CPNE8: variants seen among roughly 807,000 people sequenced by gnomAD.
CPNE8 encodes the protein copine 8.
CPNE8 carries 45 observed loss-of-function variants against 81.5 expected under a neutral mutation model. That is an observed-to-expected ratio of 0.55 (90% CI 0.44 to 0.71). The LOEUF (loss-of-function observed/expected upper bound fraction) is 0.71. Among genes scored for constraint, CPNE8 ranks in the 30% least tolerant of loss-of-function variants. The pLI is 0.00. For missense variants in CPNE8, 594 were observed against 672.1 expected, an observed-to-expected ratio of 0.88 and a Z score of 1.28; for synonymous variants, 252 against 226.3, an observed-to-expected ratio of 1.11 and a Z score of -1.02.
chr12:38,811,227 A>C (rs534143969), intron 6 of CPNE8, among the ~76,000 whole-genome samples: 13 of 152,044 alleles, frequency 8.6e-5, no homozygotes, highest in Non-Finnish European at 1.2e-4. Context: ...ATAAAAAAAA[A>C]CCTAAAAACT....
rs1224757429 is a variant in CPNE8, at chr12:38,882,297, A to T, written c.99-7786T>A. Among the ~76,000 whole-genome samples the T allele has an allele frequency of 2.6e-5, 4 of 152,178 alleles. No individual in the cohort carries two copies. In the South Asian group the frequency reaches 8.3e-4, roughly 31 times the overall value. On this transcript the variant is annotated intron_variant, in intron 1 of 19. Transcript: ENST00000331366. The stretch of plus-strand genomic sequence containing the variant: ...AGAGTTGTAGATTTTGGCCTTGAAG[A>T]TTAGAGTGATGCAGTCACAAGCCAA...
intron 10 of CPNE8, among the ~76,000 whole-genome samples, chr12:38,738,628 A>G (rs1008546567): frequency 2.0e-5 from 3 of 152,094 alleles, no homozygotes; most frequent in African/African-American, 7.2e-5. Context: ...CATCGATTTT[A>G]TTTGACAACT....
intron 6 of CPNE8, among the ~76,000 whole-genome samples, chr12:38,812,371 C>T (rs1272726884): frequency 2.0e-5 from 3 of 152,162 alleles, no homozygotes; most frequent in Non-Finnish European, 4.4e-5. Context: ...ACTCACAGTT[C>T]AGCATGGCTG....
chr12:38,745,592 G>T (rs1021256), intron 10 of CPNE8, among the ~76,000 whole-genome samples: 122,618 of 152,116 alleles, frequency 0.81, 52,400 homozygotes, highest in Middle Eastern at 0.97. Context: ...TCCCAGGCTG[G>T]AGTGCAGTGG....
intron 6 of CPNE8, among the ~76,000 whole-genome samples, chr12:38,809,038 A>G (rs1431564158): frequency 2.6e-5 from 4 of 152,192 alleles, no homozygotes; most frequent in African/African-American, 9.6e-5. Flanking sequence ...TGAAAGGTAA[A>G]TTGAGTATGA....
At chr12:38,654,534 A>AC (rs71702106) in intron 19 of CPNE8, among the ~76,000 whole-genome samples, 2 of 151,436 alleles carry the variant, frequency 1.3e-5, no homozygotes, top group Non-Finnish European at 3.0e-5. Context: ...AAAAAAAAAA[A>AC]ATTCAATACA....
At chr12:38,663,621 G>T (rs1406067815) in intron 19 of CPNE8, among the ~76,000 whole-genome samples, 1 of 151,912 alleles carries the variant, frequency 6.6e-6, no homozygotes, top group East Asian at 1.9e-4. Context: ...CCCACTACTG[G>T]GTATTTATCC....
chr12:38,866,318 G>T, intron 3 of CPNE8, among the ~76,000 whole-genome samples: 1 of 152,250 alleles, frequency 6.6e-6, no homozygotes, highest in Non-Finnish European at 1.5e-5. Flanking sequence ...TAGATTGAAT[G>T]CACAGCAGAA....
upstream of CPNE8, chr12:38,906,485 G>C: frequency 1.0e-6 from 1 of 985,834 alleles, no homozygotes; most frequent in Non-Finnish European, 1.2e-6. Context: ...CGTTTCCAAA[G>C]GCATGAAAGT....
chr12:38,655,682 G>T (rs1302972209), intron 19 of CPNE8, among the ~76,000 whole-genome samples: 1 of 152,190 alleles, frequency 6.6e-6, no homozygotes, highest in East Asian at 1.9e-4. Flanking sequence ...CATTTAAAAT[G>T]ATCAGGTTGC....
intron 7 of CPNE8, among the ~76,000 whole-genome samples, chr12:38,772,937 A>ACC (rs1941836683): frequency 1.3e-5 from 2 of 151,830 alleles, no homozygotes; most frequent in South Asian, 4.2e-4. Context: ...ATACACACAC[A>ACC]CACACACATA....
chr12:38,715,878 G>T (rs371256876), intron 13 of CPNE8, among the ~76,000 whole-genome samples: 1 of 151,928 alleles, frequency 6.6e-6, no homozygotes, highest in South Asian at 2.1e-4. Context: ...TGATATGACC[G>T]TATATCTAGA....
intron 1 of CPNE8, among the ~76,000 whole-genome samples, chr12:38,875,686 C>T (rs1944056144): frequency 6.6e-6 from 1 of 152,116 alleles, no homozygotes; most frequent in Non-Finnish European, 1.5e-5. Context: ...ACATATTCAA[C>T]AAACCAATGC....
chr12:38,780,028 G>A (rs1459547479), intron 6 of CPNE8, among the ~76,000 whole-genome samples: 1 of 151,966 alleles, frequency 6.6e-6, no homozygotes, highest in Non-Finnish European at 1.5e-5. Context: ...TCTCTTCCAG[G>A]AGTTTCATTG....
rs1237285114 is a variant in CPNE8 at position 38,902,283 on chromosome 12, G to GGA, written c.98+3153_98+3154insTC. Among the ~76,000 whole-genome samples, 126 of 135,024 alleles carry GGA rather than the reference G, an allele frequency of 9.3e-4. 26 individuals are homozygous for GGA. Among genetic ancestry groups the GGA allele is most frequent in the African/African-American group, 3.5e-3 (121 of 34,216 alleles). 88.6% of individuals were successfully genotyped at this position (135,024 alleles called of 152,430 possible). On this transcript the variant is annotated intron_variant, in intron 1 of 19. Coordinates refer to ENST00000331366, the MANE Select transcript of CPNE8 (RefSeq NM_153634.3). ...AAGAAAGAAAGAAAAAGAAAAGAAA[G>GGA]AAGGAAGGAAGGAAAGGAAGGAAGG...
chr12:38,723,418 T>A (rs1416298267), intron 13 of CPNE8, among the ~76,000 whole-genome samples: 1 of 152,138 alleles, frequency 6.6e-6, no homozygotes, highest in Non-Finnish European at 1.5e-5. Flanking sequence ...ACCTAGTATA[T>A]ACATTTAAAT....
chr12:38,867,358 G>GAC, intron 3 of CPNE8, among the ~76,000 whole-genome samples: 1 of 151,856 alleles, frequency 6.6e-6, no homozygotes, highest in South Asian at 2.1e-4. Flanking sequence ...GAGAGAGAGA[G>GAC]AGAGAGAGAG....
intron 6 of CPNE8, among the ~76,000 whole-genome samples, chr12:38,808,785 T>C (rs1443069115): frequency 6.6e-6 from 1 of 151,246 alleles, no homozygotes; most frequent in Non-Finnish European, 1.5e-5. Flanking sequence ...AAAGACTATA[T>C]AAAAAAATGC....
intron 16 of CPNE8, among the ~76,000 whole-genome samples, chr12:38,682,376 G>A (rs1402252646): frequency 6.6e-6 from 1 of 152,054 alleles, no homozygotes; most frequent in Admixed American, 6.5e-5. Context: ...TGGCCAACAT[G>A]GCAAAATCCT....
Sources: allele counts gnomAD v4.1 joint callset (sites outside exome capture counted in the v4.1 genomes callset), GRCh38; gene constraint gnomAD v4.1.1; transcripts MANE v1.5; gene names NCBI Gene and HGNC (gene_info 2026-07-23, HGNC 2026-07-21).